EREG: variants seen among roughly 807,000 people sequenced by gnomAD.
The protein encoded by EREG is proepiregulin.
Under a neutral mutation model 22.4 loss-of-function variants are expected in EREG, and 23 were observed. The ratio of observed to expected loss-of-function variants is 1.03; its 90% CI spans 0.74 to 1.46. The LOEUF is 1.46. Ranked by LOEUF, EREG falls within the 40% of genes most tolerant of loss-of-function variation. The probability of loss-of-function intolerance (pLI) is 0.00; values close to 1 mark genes in which losing one functional copy is unlikely to be tolerated. For synonymous variants in EREG, 100 were observed against 75.4 expected (o/e 1.33, Z -1.69); for missense variants, 226 against 205.9 (o/e 1.10, Z -0.60).
rs1158396895 is a variant in EREG at position 74,387,976 on chromosome 4, A to T, written c.*3168A>T. 2 of 152,204 alleles carry T rather than the reference A, an allele frequency of 1.3e-5. No individual in the cohort carries two copies. The highest frequency in any genetic ancestry group is 2.9e-5 in the Non-Finnish European group (2 of 68,020). 9.4% of individuals were successfully genotyped at this position (152,204 alleles called of 1,614,324 possible). A position where few individuals can be genotyped will look rare whatever the true frequency, so the allele number is the denominator to read the frequency against. The stretch of plus-strand genomic sequence containing the variant: ...ACAATGTAACTCCACTGTTCTCCTG[A>T]ATATTTTTTGCTCTAATCTCTCTGC... On this transcript the variant is annotated 3_prime_UTR_variant, in exon 5 of 5. Transcript: ENST00000244869.
intron 1 of EREG, among the ~76,000 whole-genome samples, chr4:74,370,122 A>C (rs541406420): frequency 6.6e-6 from 1 of 152,264 alleles, no homozygotes; most frequent in African/African-American, 2.4e-5. Context: ...CTTTTGGTGA[A>C]AGTACTCATC....
chr4:74,375,306 C>CTTTTT lies in EREG; in HGVS notation c.68-4116_68-4112dup, dbSNP rs71219383. 4.1e-4 allele frequency among the ~76,000 whole-genome samples: 25 copies of CTTTTT among 61,054 alleles called. 2 individuals are homozygous for CTTTTT. Among genetic ancestry groups the CTTTTT allele is most frequent in the East Asian group, 1.7e-3 (3 of 1,738 alleles). 40.1% of individuals were successfully genotyped at this position (61,054 alleles called of 152,430 possible). ...CTCATTAAAGTAATGACTAGCGATT[C>CTTTTT]TTTTTTTTTTTTTTTTTTTTTTTTT... On this transcript the variant is annotated intron_variant, in intron 1 of 4. Coordinates refer to ENST00000244869, the MANE Select transcript of EREG (RefSeq NM_001432.3).
intron 1 of EREG, among the ~76,000 whole-genome samples, chr4:74,373,298 G>T (rs192077467): frequency 5.9e-5 from 9 of 152,046 alleles, no homozygotes; most frequent in Admixed American, 1.3e-4. Flanking sequence ...GTATGATTTA[G>T]AAATGACTAC....
At chr4:74,372,374 A>G (rs914908265) in intron 1 of EREG, among the ~76,000 whole-genome samples, 2 of 152,216 alleles carry the variant, frequency 1.3e-5, no homozygotes, top group East Asian at 3.8e-4. Context: ...TTAAAACTTT[A>G]TCCTTGCAGA....
intron 1 of EREG, among the ~76,000 whole-genome samples, chr4:74,368,811 C>T (rs1262699681): frequency 1.3e-5 from 2 of 151,584 alleles, no homozygotes; most frequent in Admixed American, 6.6e-5. Flanking sequence ...AACATTCCAT[C>T]GGGAGACAAT....
chr4:74,378,149 G>T (rs1752413520), intron 1 of EREG, among the ~76,000 whole-genome samples: 1 of 152,130 alleles, frequency 6.6e-6, no homozygotes, highest in Admixed American at 6.5e-5. Context: ...ACAGAAACTG[G>T]ATTCTCAGTG....
chr4:74,378,337 C>T (rs968933638), intron 1 of EREG, among the ~76,000 whole-genome samples: 2 of 152,086 alleles, frequency 1.3e-5, no homozygotes, highest in African/African-American at 2.4e-5. Context: ...AATGTCCAAC[C>T]GACTAAACAA....
Position 74,379,552 on chromosome 4 carries a change from A to G in EREG, c.154+18A>G. 2.1e-6 allele frequency: 3 copies of G among 1,425,320 alleles called. No individual in the cohort carries two copies. Among genetic ancestry groups the G allele is most frequent in the African/African-American group, 1.4e-5 (1 of 71,304 alleles). The allele number at this position is 1,425,320 out of a possible 1,614,324, so 88.3% of individuals were successfully genotyped here. On this transcript the variant is annotated intron_variant, in intron 2 of 4. Transcript: ENST00000244869. ...AGCTTTAGGTAAGCCCAAGTTTGTC[A>G]ATGTGGCATCAAGAGACTACATATT...
intron 1 of EREG, among the ~76,000 whole-genome samples, chr4:74,378,788 A>G (rs1752425819): frequency 7.1e-6 from 1 of 140,072 alleles, no homozygotes. Context: ...TTATCTTTTC[A>G]CTGAATACAC....
intron 3 of EREG, among the ~76,000 whole-genome samples, chr4:74,382,196 A>G (rs1317453887): frequency 1.3e-5 from 2 of 151,978 alleles, no homozygotes; most frequent in African/African-American, 4.8e-5. Context: ...TCTACTCAGG[A>G]GGCTGAGATA....
chr4:74,379,612 A>T, intron 2 of EREG, 78 bp downstream of exon 2: 1 of 866,898 alleles, frequency 1.2e-6, no homozygotes, highest in Non-Finnish European at 1.9e-6. Context: ...GACTATAAGT[A>T]TGTGATAATT....
intron 1 of EREG, among the ~76,000 whole-genome samples, chr4:74,376,359 A>T (rs1752382856): frequency 6.6e-6 from 1 of 152,240 alleles, no homozygotes; most frequent in African/African-American, 2.4e-5. Flanking sequence ...TCAGTTGAAG[A>T]AATATGTAGG....
At chr4:74,372,321 C>T (rs564231995) in intron 1 of EREG, among the ~76,000 whole-genome samples, 4 of 152,338 alleles carry the variant, frequency 2.6e-5, no homozygotes, top group African/African-American at 9.6e-5. Context: ...TTGAAATCAT[C>T]TTTAATGGAT....
chr4:74,369,821 C>T lies in EREG; in HGVS notation c.67+4446C>T, dbSNP rs182277729. On this transcript the variant is annotated intron_variant, in intron 1 of 4. Coordinates refer to ENST00000244869, the MANE Select transcript of EREG (RefSeq NM_001432.3). ...ATCTCTGAGCCTCAGTTTTCTCATC[C>T]GAAAAAAAAAAGGTTGTCCACAATA... 2.6e-3 allele frequency among the ~76,000 whole-genome samples: 391 copies of T among 148,254 alleles called. 2 individuals carry two copies. Among genetic ancestry groups the T allele is most frequent in the African/African-American group, 8.9e-3 (360 of 40,304 alleles).
chr4:74,384,138 C>A (rs1203988924), intron 4 of EREG, among the ~76,000 whole-genome samples: 1 of 152,062 alleles, frequency 6.6e-6, no homozygotes, highest in Non-Finnish European at 1.5e-5. Flanking sequence ...AGCTATGAGA[C>A]CTTGGACCTT....
At chr4:74,375,833 T>C (rs1386255446) in intron 1 of EREG, among the ~76,000 whole-genome samples, 2 of 152,158 alleles carry the variant, frequency 1.3e-5, no homozygotes, top group Non-Finnish European at 2.9e-5. Context: ...ATTTTGCTGT[T>C]TTCTTGGCCA....
At chr4:74,371,831 C>T (rs1388986278) in intron 1 of EREG, among the ~76,000 whole-genome samples, 1 of 151,896 alleles carries the variant, frequency 6.6e-6, no homozygotes, top group African/African-American at 2.4e-5. Context: ...CCTATGTCTC[C>T]TCCTTTTTTA....
chr4:74,384,784 G>C lies in EREG; in HGVS notation c.486G>C (p.Gly162=). 3.1e-6 allele frequency: 5 copies of C among 1,612,966 alleles called. No individual in the cohort carries two copies. The highest frequency in any genetic ancestry group is 4.2e-6 in the Non-Finnish European group (5 of 1,179,160). Residue 162 remains glycine, a synonymous_variant, in exon 5 of 5, where the codon GGG becomes GGC. Transcript: ENST00000244869. ...PKKEYERVTS[G]DPELPQV ...AGGAATATGAGAGAGTTACCTCAGG[G>C]GATCCAGAGTTGCCGCAAGTCTGAA...
intron 4 of EREG, 29 bp downstream of exon 4, chr4:74,382,823 T>C (rs1183462693): frequency 6.4e-7 from 1 of 1,571,008 alleles, no homozygotes; most frequent in Admixed American, 1.8e-5. Flanking sequence ...ATACTCTGCT[T>C]TTACAAATTA....
Sources: gnomAD v4.1 joint callset for allele counts (sites outside exome capture counted in the v4.1 genomes callset) on GRCh38, gnomAD v4.1.1 for gene constraint, MANE v1.5 for transcripts, NCBI Gene and HGNC (gene_info 2026-07-23, HGNC 2026-07-21) for gene names.